CLEC2D: variants seen among roughly 807,000 people sequenced by gnomAD.
The protein encoded by CLEC2D is C-type lectin related f.
A neutral mutation model predicts 20.0 loss-of-function variants in CLEC2D; 16 were observed. The observed-to-expected ratio is 0.80, with a 90% CI of 0.54 to 1.22. The LOEUF (loss-of-function observed/expected upper bound fraction) is 1.22, where lower values mean the gene tolerates loss of function less well. CLEC2D is among the 50% of genes most tolerant of loss of function. The pLI is 0.00. For missense variants in CLEC2D, 207 were observed against 221.5 expected (o/e 0.93, Z 0.42); for synonymous variants, 77 against 71.1 (o/e 1.08, Z -0.42).
intron 4 of CLEC2D, chr12:9,693,164 T>C: frequency 7.8e-7 from 1 of 1,280,140 alleles, no homozygotes; most frequent in Non-Finnish European, 1.1e-6. Flanking sequence ...CTATGTCATT[T>C]TCAAACACTT....
chr12:9,698,494 C>T lies in CLEC2D; in HGVS notation c.*3620C>T, dbSNP rs1866053545. The T allele has an allele frequency of 2.0e-5, 3 of 152,054 alleles. No individual in the cohort carries two copies. The highest frequency in any genetic ancestry group is 7.2e-5 in the African/African-American group (3 of 41,414). The allele number at this position is 152,054 out of a possible 1,614,324, so 9.4% of individuals were successfully genotyped here. A position where few individuals can be genotyped will look rare whatever the true frequency, so the allele number is the denominator to read the frequency against. The stretch of plus-strand genomic sequence containing the variant: ...GCAGAAGAATAAAATTGGACCCTTA[C>T]CTCCTACCATATATAAAAACCAACT... On this transcript the variant is annotated 3_prime_UTR_variant, in exon 5 of 5. Coordinates refer to ENST00000290855, the MANE Select transcript of CLEC2D (RefSeq NM_013269.6).
chr12:9,670,304 T>C (rs939474771), intron 1 of CLEC2D, among the ~76,000 whole-genome samples: 1 of 152,186 alleles, frequency 6.6e-6, no homozygotes, highest in Non-Finnish European at 1.5e-5. Flanking sequence ...TAGCTTTATA[T>C]GATGCTTTAG....
In CLEC2D at chr12:9,684,352, G is replaced by A. The variant is rs776418890; in HGVS notation, c.172+3319G>A. Among the ~76,000 whole-genome samples the A allele has an allele frequency of 2.2e-4, 33 of 151,998 alleles. 1 individual carries two copies. The highest frequency in any genetic ancestry group is 2.6e-4 in the Admixed American group (4 of 15,254). On this transcript the variant is annotated intron_variant, in intron 2 of 4. Coordinates refer to ENST00000290855, the MANE Select transcript of CLEC2D (RefSeq NM_013269.6). ...AGATAATTTGACTTCCTCTCTTCCT[G>A]TTGAATACACTTTCTTTCTTTCTTT...
At chr12:9,692,694 T>A in intron 3 of CLEC2D, 134 bp from the exon 4 acceptor site, 3 of 597,580 alleles carry the variant, frequency 5.0e-6, no homozygotes, top group Non-Finnish European at 6.0e-6. Context: ...ACCTATTCTG[T>A]ATGTATTACT....
At chr12:9,687,703 T>G (rs1865778174) in intron 2 of CLEC2D, among the ~76,000 whole-genome samples, 199 bp from the exon 3 acceptor site, 1 of 152,208 alleles carries the variant, frequency 6.6e-6, no homozygotes, top group Non-Finnish European at 1.5e-5. Context: ...GCTGAAGGCA[T>G]GAGTTTGAAT....
At chr12:9,680,808 A>G (rs1865618756) in intron 1 of CLEC2D, 115 bp from the exon 2 acceptor site, 1 of 578,916 alleles carries the variant, frequency 1.7e-6, no homozygotes, top group Admixed American at 2.9e-5. Context: ...GGTCATTTGC[A>G]TCCTCTAGTG....
chr12:9,685,690 C>T (rs1406333046), intron 2 of CLEC2D, among the ~76,000 whole-genome samples: 1 of 152,170 alleles, frequency 6.6e-6, no homozygotes, highest in Non-Finnish European at 1.5e-5. Context: ...TCAGTAATGG[C>T]GGATGCACCT....
chr12:9,672,013 T>C lies in CLEC2D; in HGVS notation c.61+2218T>C, dbSNP rs780144093. ...CACATATATAGACTCTGTCTTAGTC[T>C]GTTTTGTGCTGCTATTACAGAATAC... On this transcript the variant is annotated intron_variant, in intron 1 of 4. Coordinates refer to ENST00000290855, the MANE Select transcript of CLEC2D (RefSeq NM_013269.6). Among the ~76,000 whole-genome samples, 12 of 152,324 alleles carry C rather than the reference T, an allele frequency of 7.9e-5. No homozygotes were observed. The South Asian group carries it at 2.5e-3, about 32-fold the overall frequency.
chr12:9,672,480 C>T lies in CLEC2D; in HGVS notation c.61+2685C>T, dbSNP rs115356821. Among the ~76,000 whole-genome samples the T allele has an allele frequency of 3.2e-3, 483 of 152,294 alleles. 4 individuals carry two copies. The highest frequency in any genetic ancestry group is 0.011 in the African/African-American group (460 of 41,548). ...GGACTTCCCTTTGTCAGTGACCTGA[C>T]CTTTCTCCCTGGCTGCCCTTAATAT... On this transcript the variant is annotated intron_variant, in intron 1 of 4. Transcript: ENST00000290855.
At chr12:9,691,442 C>T (rs768063355) in intron 3 of CLEC2D, among the ~76,000 whole-genome samples, 1 of 152,064 alleles carries the variant, frequency 6.6e-6, no homozygotes, top group Non-Finnish European at 1.5e-5. Flanking sequence ...GAAGAATCTA[C>T]CCAACAAGAG....
At chr12:9,692,787 T>TATG in intron 3 of CLEC2D, 41 bp from the exon 4 acceptor site, 1 of 1,351,858 alleles carries the variant, frequency 7.4e-7, no homozygotes, top group Non-Finnish European at 1.0e-6. Context: ...GAGGATGGGT[T>TATG]ATGTTAGATT....
intron 3 of CLEC2D, among the ~76,000 whole-genome samples, chr12:9,692,453 C>T (rs956077462): frequency 1.3e-5 from 2 of 151,912 alleles, no homozygotes; most frequent in Non-Finnish European, 1.5e-5. Flanking sequence ...TTAAAGTTGA[C>T]AAAAAGCATA....
chr12:9,689,182 A>G (rs1169719386), intron 3 of CLEC2D, among the ~76,000 whole-genome samples: 2 of 152,232 alleles, frequency 1.3e-5, no homozygotes, highest in Admixed American at 1.3e-4. Flanking sequence ...ATTTAAATAA[A>G]TAGTATGTGT....
chr12:9,687,358 C>T (rs1455623102), intron 2 of CLEC2D, among the ~76,000 whole-genome samples: 1 of 152,188 alleles, frequency 6.6e-6, no homozygotes, highest in Non-Finnish European at 1.5e-5. Flanking sequence ...TCTAATGCCA[C>T]TGCTGATCTG....
Position 9,694,825 on chromosome 12 carries a change from A to G in CLEC2D, c.527A>G (p.His176Arg), listed in dbSNP as rs1250059756. 1.2e-6 allele frequency: 2 copies of G among 1,612,592 alleles called. No homozygotes were observed. Among genetic ancestry groups the G allele is most frequent in the African/African-American group, 2.7e-5 (2 of 74,864 alleles). Residue 176 changes from histidine (H) to arginine (R), a missense_variant, in exon 5 of 5, where the codon CAC becomes CGC. Coordinates refer to ENST00000290855, the MANE Select transcript of CLEC2D (RefSeq NM_013269.6). ...GACAAAGGTGCCAGTAGTGCCAGGCACTACACAGAGAGGAAGTGGATTTGT... is the reference window on the plus strand; with the variant it reads ...GACAAAGGTGCCAGTAGTGCCAGGCGCTACACAGAGAGGAAGTGGATTTGT... ...LNDKGASSAR[H>R]YTERKWICSK...
At position 9,692,872 on chromosome 12, in the gene CLEC2D, G is replaced by T; in HGVS notation, c.402G>T (p.Gly134=). 2 of 1,613,600 alleles carry T rather than the reference G, an allele frequency of 1.2e-6. No individual in the cohort carries two copies. The highest frequency in any genetic ancestry group is 1.7e-6 in the Non-Finnish European group (2 of 1,179,708). The stretch of plus-strand genomic sequence containing the variant: ...AAGGCCCATCTGATCACTGGATTGG[G>T]CTGAGCAGAGAACAAGGCCAACCAT... ...RYKGPSDHWI[G]LSREQGQPWK... is the part of the protein sequence containing the mutation. Residue 134 remains glycine (G), a synonymous_variant, in exon 4 of 5, where the codon GGG becomes GGT. Transcript: ENST00000290855.
chr12:9,676,197 C>T lies in CLEC2D; in HGVS notation c.62-4726C>T, dbSNP rs752085112. Among the ~76,000 whole-genome samples, 3 of 152,218 alleles carry T rather than the reference C, an allele frequency of 2.0e-5. No individual in the cohort carries two copies. In the South Asian group the frequency reaches 6.2e-4, roughly 32 times the overall value. ...CCAGAACAATGTTGTAAAGTATTGGCGAGAGGGACATCTTTGCCTTGTCCT... is the reference window on the plus strand; with the variant it reads ...CCAGAACAATGTTGTAAAGTATTGGTGAGAGGGACATCTTTGCCTTGTCCT... On this transcript the variant is annotated intron_variant, in intron 1 of 4. Transcript: ENST00000290855.
chr12:9,684,320 C>A (rs1367523197), intron 2 of CLEC2D, among the ~76,000 whole-genome samples: 1 of 152,184 alleles, frequency 6.6e-6, no homozygotes, highest in Non-Finnish European at 1.5e-5. Context: ...CTGTCATCTG[C>A]AAACAGAGAT....
intron 4 of CLEC2D, chr12:9,693,176 C>T: frequency 8.5e-7 from 1 of 1,182,314 alleles, no homozygotes; most frequent in Non-Finnish European, 1.3e-6. Flanking sequence ...CAAACACTTT[C>T]ATTTTAAGCA....
Sources: gnomAD v4.1 joint callset for allele counts (sites outside exome capture counted in the v4.1 genomes callset) on GRCh38, gnomAD v4.1.1 for gene constraint, MANE v1.5 for transcripts, NCBI Gene and HGNC (gene_info 2026-07-23, HGNC 2026-07-21) for gene names.